The following TFRC variants were observed in gnomAD, a reference collection of about 807,000 sequenced individuals.
TFRC encodes the protein transferrin receptor.
In TFRC, 35 loss-of-function variants were observed where a neutral mutation model predicts 85.8. The observed-to-expected ratio is 0.41, with a 90% CI of 0.31 to 0.54. The LOEUF is 0.54. Among genes scored for constraint, TFRC ranks in the 20% least tolerant of loss-of-function variants. The pLI, the probability that TFRC is intolerant of heterozygous loss-of-function variation, is 0.31. For missense variants in TFRC, 828 were observed against 921.5 expected (o/e 0.90, Z 1.31); for synonymous variants, 362 against 328.6 (o/e 1.10, Z -1.10).
rs778154108 is a variant in TFRC, at chr3:196,064,375, T to C, written c.1252A>G (p.Lys418Glu). 6.2e-7 allele frequency: 1 copy of C among 1,613,768 alleles called. No homozygotes were observed. Among genetic ancestry groups the C allele is most frequent in the Non-Finnish European group, 8.5e-7 (1 of 1,179,926 alleles). The change falls in exon 11 of 19, where the codon AAA becomes GAA. Residue 418 changes from lysine to glutamate, a missense_variant. Lys to Glu is a moderately conservative substitution (Grantham distance 56). Coordinates refer to ENST00000360110, the MANE Select transcript of TFRC (RefSeq NM_001128148.3). ...QRDAWGPGAA[K>E]SGVGTALLLK... is the part of the protein sequence containing the mutation. ...AGGAGAGCTGTGCCTACACCGGATT[T>C]TGCAGCTCCAGGGCCCCATGCATCT...
chr3:196,050,369 G>T lies in TFRC; in HGVS notation c.*1573C>A, dbSNP rs1253771855. 4.6e-6 allele frequency: 1 copy of T among 215,144 alleles called. No individual in the cohort carries two copies. The highest frequency in any genetic ancestry group is 2.3e-5 in the African/African-American group (1 of 44,272). 13.3% of individuals were successfully genotyped at this position (215,144 alleles called of 1,614,324 possible). A position where few individuals can be genotyped will look rare whatever the true frequency, so the allele number is the denominator to read the frequency against. Reference sequence around the variant, plus strand: ...TGCTTAATGACCACAAAATGTTTCTGCAACTAAAACTAAAAGATAGGGAAT... The same window carrying T: ...TGCTTAATGACCACAAAATGTTTCTTCAACTAAAACTAAAAGATAGGGAAT... On this transcript the variant is annotated 3_prime_UTR_variant, in exon 19 of 19. Coordinates refer to ENST00000360110, the MANE Select transcript of TFRC (RefSeq NM_001128148.3).
At chr3:196,066,492 CTG>C (rs1717753796) in intron 9 of TFRC, among the ~76,000 whole-genome samples, 1 of 152,132 alleles carries the variant, frequency 6.6e-6, no homozygotes, top group South Asian at 2.1e-4. Flanking sequence ...TCTAATTCCT[CTG>C]TGTTACCCAA....
intron 10 of TFRC, 134 bp from the exon 11 acceptor site, chr3:196,064,562 C>T (rs1352254203): frequency 2.7e-6 from 2 of 752,888 alleles, no homozygotes; most frequent in African/African-American, 1.8e-5. Context: ...TCAAATCTGA[C>T]TAAAAACTCT....
At chr3:196,057,942 G>T (rs1266016168) in intron 16 of TFRC, 4 of 164,996 alleles carry the variant, frequency 2.4e-5, no homozygotes. Flanking sequence ...AGGATTAAGG[G>T]TTTTTTTTTT....
intron 10 of TFRC, among the ~76,000 whole-genome samples, 153 bp downstream of exon 10, chr3:196,065,290 A>T (rs188917051): frequency 6.6e-6 from 1 of 151,624 alleles, no homozygotes; most frequent in Admixed American, 6.6e-5. Flanking sequence ...ACTAACACAT[A>T]AACAATTAAC....
intron 1 of TFRC, among the ~76,000 whole-genome samples, chr3:196,080,535 A>C (rs896329514): frequency 6.6e-6 from 1 of 152,224 alleles, no homozygotes; most frequent in African/African-American, 2.4e-5. Flanking sequence ...CAATGCGCCC[A>C]GCCGAGGGTC....
At position 196,069,529 on chromosome 3, in the gene TFRC, A is replaced by C. The variant is rs1343564123; in HGVS notation, c.727T>G (p.Phe243Val). The change falls in exon 7 of 19, where the codon TTT becomes GTT. Residue 243 changes from phenylalanine (F) to valine (V), a missense_variant. Transcript: ENST00000360110. The stretch of plus-strand genomic sequence containing the variant: ...TTCACAGGAGTGTATAAATCCTCAA[A>C]ATCTTTTTTAGTACCAAAATTAGCA... ...VHANFGTKKD[F>V]EDLYTPVNGS... 2.5e-6 allele frequency: 4 copies of C among 1,613,180 alleles called. No individual in the cohort carries two copies.
Position 196,080,454 on chromosome 3 carries a change from G to C in TFRC, c.-24+1589C>G, listed in dbSNP as rs187477801. Among the ~76,000 whole-genome samples, 44 of 152,310 alleles carry C rather than the reference G, an allele frequency of 2.9e-4. No homozygotes were observed. The East Asian group carries it at 6.2e-3, about 21-fold the overall frequency. On this transcript the variant is annotated intron_variant, in intron 1 of 18. Coordinates refer to ENST00000360110, the MANE Select transcript of TFRC (RefSeq NM_001128148.3). ...GGATTTCACCATGTTAGTCAGACTG[G>C]ACTCGAACTCCTGACCTTAGGTGAT...
In TFRC at chr3:196,067,538, A is replaced by G. The variant is rs775586544; in HGVS notation, c.1020T>C (p.Ala340=). The G allele has an allele frequency of 6.2e-7, 1 of 1,613,296 alleles. No homozygotes were observed. The highest frequency in any genetic ancestry group is 1.1e-5 in the South Asian group (1 of 90,854). ...CTTACCCAAACAGCTTTTCTGCAGC[A>G]GCTCTGGAGATTGTCTGGACAGGTA... ...PNIPVQTISR[A]AAEKLFGNME... is the part of the protein sequence containing the mutation. Residue 340 remains alanine, a synonymous_variant, in exon 9 of 19, where the codon GCT becomes GCC. Coordinates refer to ENST00000360110, the MANE Select transcript of TFRC (RefSeq NM_001128148.3).
rs1717539104 is a variant in TFRC at position 196,064,397 on chromosome 3, A to G, written c.1230T>C (p.Asp410=). The change falls in exon 11 of 19, where the codon GAT becomes GAC. Residue 410 remains aspartate (D), a synonymous_variant. Coordinates refer to ENST00000360110, the MANE Select transcript of TFRC (RefSeq NM_001128148.3). ...DHYVVVGAQR[D]AWGPGAAKSG... The stretch of plus-strand genomic sequence containing the variant: ...ATTTTGCAGCTCCAGGGCCCCATGC[A>G]TCTCTCTGGGCCCCAACTACAACAT... The G allele has an allele frequency of 1.9e-6, 3 of 1,613,094 alleles. No individual in the cohort carries two copies. The highest frequency in any genetic ancestry group is 2.5e-6 in the Non-Finnish European group (3 of 1,179,724).
chr3:196,076,237 T>C (rs1002608133), intron 2 of TFRC, among the ~76,000 whole-genome samples: 1 of 152,180 alleles, frequency 6.6e-6, no homozygotes, highest in Admixed American at 6.5e-5. Context: ...CTTCTCGTCA[T>C]GGCCTGGATG....
intron 13 of TFRC, among the ~76,000 whole-genome samples, chr3:196,061,127 C>T (rs1345878030): frequency 1.3e-5 from 2 of 152,156 alleles, no homozygotes; most frequent in African/African-American, 4.8e-5. Flanking sequence ...TTTTTTACCC[C>T]ATTCCTGTTG....
intron 16 of TFRC, 91 bp from the exon 17 acceptor site, chr3:196,055,392 C>T: frequency 9.8e-7 from 1 of 1,023,634 alleles, no homozygotes; most frequent in South Asian, 1.3e-5. Context: ...ACAGTGACGA[C>T]AGTTCCACCC....
intron 16 of TFRC, among the ~76,000 whole-genome samples, chr3:196,056,310 T>A (rs41297529): frequency 0.19 from 28,472 of 152,106 alleles, 3,138 homozygotes; most frequent in Non-Finnish European, 0.25. Flanking sequence ...ATTATAGGTG[T>A]GAGTTACTGC....
In TFRC at chr3:196,053,429, G is replaced by A. The variant is rs148008500; in HGVS notation, c.2029C>T (p.Arg677Cys). ...AAAAGTTCACTTACTCTCATGACAC[G>A]ATCATTGAGTTTCTTCATGACAAAT... ...DRFVMKKLND[R>C]VMRVEYHFLS... Residue 677 changes from arginine (R) to cysteine (C), a missense_variant, in exon 18 of 19, where the codon CGT becomes TGT. Physicochemically the swap from Arg to Cys is radical, Grantham distance 180. Coordinates refer to ENST00000360110, the MANE Select transcript of TFRC (RefSeq NM_001128148.3). 1.5e-5 allele frequency: 24 copies of A among 1,613,926 alleles called. No individual in the cohort carries two copies. The highest frequency in any genetic ancestry group is 9.3e-5 in the African/African-American group (7 of 74,896).
chr3:196,074,162 T>C, intron 3 of TFRC, 37 bp from the exon 4 acceptor site: 1 of 1,550,956 alleles, frequency 6.4e-7, no homozygotes, highest in Non-Finnish European at 8.8e-7. Flanking sequence ...ACTCAGAATT[T>C]CATTTGTAAT....
chr3:196,069,415 C>A, intron 7 of TFRC, 40 bp downstream of exon 7: 1 of 1,222,366 alleles, frequency 8.2e-7, no homozygotes, highest in South Asian at 1.4e-5. Flanking sequence ...AGTAAGATAC[C>A]AAAAGTACTG....
At chr3:196,052,986 C>A (rs1716462733) in intron 18 of TFRC, among the ~76,000 whole-genome samples, 1 of 151,902 alleles carries the variant, frequency 6.6e-6, no homozygotes, top group South Asian at 2.1e-4. Context: ...TGGTGTTGGG[C>A]ACCTGTAATC....
chr3:196,076,595 A>G (rs1263603253), intron 2 of TFRC, among the ~76,000 whole-genome samples: 1 of 151,812 alleles, frequency 6.6e-6, no homozygotes, highest in Non-Finnish European at 1.5e-5. Flanking sequence ...GACTACAGGC[A>G]TGCGCCATGA....
Sources: gnomAD v4.1 joint callset for allele counts (sites outside exome capture counted in the v4.1 genomes callset) on GRCh38, gnomAD v4.1.1 for gene constraint, MANE v1.5 for transcripts, NCBI Gene and HGNC (gene_info 2026-07-23, HGNC 2026-07-21) for gene names.